STX12: variants seen among roughly 807,000 people sequenced by gnomAD.
The protein encoded by STX12 is syntaxin-12.
A neutral mutation model predicts 42.2 loss-of-function variants in STX12; 17 were observed. The ratio of observed to expected loss-of-function variants is 0.40; its 90% CI spans 0.28 to 0.60. The LOEUF is 0.60. Ranked by LOEUF, STX12 falls within the 20% of genes least tolerant of loss-of-function variation. The pLI is 0.39. For synonymous variants in STX12, 108 were observed against 116.7 expected, an observed-to-expected ratio of 0.93 and a Z score of 0.48; for missense variants, 297 against 330.9, an observed-to-expected ratio of 0.90 and a Z score of 0.79.
At chr1:27,797,605 C>A (rs943589269) in intron 3 of STX12, among the ~76,000 whole-genome samples, 1 of 152,070 alleles carries the variant, frequency 6.6e-6, no homozygotes, top group African/African-American at 2.4e-5. Context: ...TCCCTTTCAC[C>A]TTTATGATCA....
chr1:27,792,244 CTATATATATGTAGA>C (rs2088751626), intron 2 of STX12, among the ~76,000 whole-genome samples: 10 of 94,966 alleles, frequency 1.1e-4, no homozygotes, highest in African/African-American at 2.1e-4. Context: ...ATATATGTAT[CTATATATATGTAGA>C]TACATATATA....
At chr1:27,779,346 T>TTG (rs2088650723) in intron 1 of STX12, among the ~76,000 whole-genome samples, 1 of 151,614 alleles carries the variant, frequency 6.6e-6, no homozygotes, top group African/African-American at 2.4e-5. Context: ...TTTTTTTGTT[T>TTG]TTTTTTGAGC....
At chr1:27,800,488 GGTGTGTGTGTGTGTGTGT>G (rs57488710) in intron 3 of STX12, among the ~76,000 whole-genome samples, 12 of 140,986 alleles carry the variant, frequency 8.5e-5, no homozygotes, top group East Asian at 8.2e-4. Context: ...GTCAGTATGT[GGTGTGTGTGTGTGTGTGT>G]GTGTGTGTGT....
At chr1:27,808,048 A>G (rs1410202038) in intron 4 of STX12, among the ~76,000 whole-genome samples, 2 of 152,192 alleles carry the variant, frequency 1.3e-5, no homozygotes, top group African/African-American at 4.8e-5. Flanking sequence ...AAGTCAAGAT[A>G]ATAGATACTT....
intron 3 of STX12, among the ~76,000 whole-genome samples, chr1:27,795,462 C>T (rs531980348): frequency 1.6e-4 from 24 of 152,146 alleles, no homozygotes; most frequent in Middle Eastern, 3.4e-3. Flanking sequence ...CCCACTACCA[C>T]GCTCGGCTAA....
At chr1:27,821,439 A>G (rs937554641) in intron 8 of STX12, among the ~76,000 whole-genome samples, 4 of 152,322 alleles carry the variant, frequency 2.6e-5, no homozygotes, top group African/African-American at 7.2e-5. Flanking sequence ...AAAAACATCA[A>G]ACATCATACA....
intron 3 of STX12, among the ~76,000 whole-genome samples, chr1:27,801,117 GGC>G (rs1322734681): frequency 6.6e-6 from 1 of 152,164 alleles, no homozygotes; most frequent in African/African-American, 2.4e-5. Context: ...GTTAAATACA[GGC>G]TGGGCACAGT....
chr1:27,797,804 G>C (rs2088796965), intron 3 of STX12, among the ~76,000 whole-genome samples: 1 of 151,674 alleles, frequency 6.6e-6, no homozygotes, highest in South Asian at 2.1e-4. Context: ...TCACAGAAAA[G>C]TTTGTGCCTT....
intron 6 of STX12, among the ~76,000 whole-genome samples, chr1:27,814,699 A>T (rs974711195): frequency 2.0e-5 from 3 of 151,722 alleles, no homozygotes; most frequent in Non-Finnish European, 2.9e-5. Flanking sequence ...AAACACAAAA[A>T]ATTAGCCGGG....
At chr1:27,782,245 A>G (rs1015717156) in intron 1 of STX12, among the ~76,000 whole-genome samples, 3 of 152,100 alleles carry the variant, frequency 2.0e-5, no homozygotes, top group Admixed American at 6.5e-5. Context: ...GACTACAGGC[A>G]CGCACCACCA....
chr1:27,801,315 A>G (rs2088826046), intron 3 of STX12, among the ~76,000 whole-genome samples: 1 of 152,044 alleles, frequency 6.6e-6, no homozygotes. Context: ...AGGCACAAGA[A>G]TCGCTTGAAC....
intron 1 of STX12, among the ~76,000 whole-genome samples, chr1:27,775,364 C>T (rs933373672): frequency 2.0e-5 from 3 of 152,194 alleles, no homozygotes; most frequent in African/African-American, 7.2e-5. Flanking sequence ...CTCAACCTCC[C>T]TGGCTCAAGC....
rs17162810 is a variant in STX12, at chr1:27,812,754, T to C, written c.576+486T>C. 2.0e-5 allele frequency among the ~76,000 whole-genome samples: 3 copies of C among 152,110 alleles called. No homozygotes were observed. The East Asian group carries it at 5.8e-4, about 29-fold the overall frequency. ...CCGCTCCTGGCATGAACTACTGTTA[T>C]AATGGCATTGGCCTTGGTGCCCAGG... On this transcript the variant is annotated intron_variant, in intron 6 of 8. Transcript: ENST00000373943.
rs2089006354 is a variant in STX12 at position 27,824,316 on chromosome 1, C to T, written c.*1987C>T. The stretch of plus-strand genomic sequence containing the variant: ...GCTTTTGTTCTGTAATACTGTGTGA[C>T]CTGTGGTTGTTGTAATGGTGATCAT... On this transcript the variant is annotated 3_prime_UTR_variant, in exon 9 of 9. Transcript: ENST00000373943. 6.6e-6 allele frequency: 1 copy of T among 152,122 alleles called. No individual in the cohort carries two copies. The highest frequency in any genetic ancestry group is 2.4e-5 in the African/African-American group (1 of 41,414). The allele number at this position is 152,122 out of a possible 1,614,324, so 9.4% of individuals were successfully genotyped here.
intron 3 of STX12, among the ~76,000 whole-genome samples, chr1:27,794,366 G>A (rs186489240): frequency 6.6e-6 from 1 of 152,256 alleles, no homozygotes; most frequent in East Asian, 1.9e-4. Context: ...ACATTTTAAT[G>A]AAACATCTTT....
chr1:27,822,816 CTCTA>C lies in STX12; in HGVS notation c.*493_*496del, dbSNP rs1198025824. Reference sequence around the variant, plus strand: ...TATTTGAATTTCTAAGAAGCCTATTCTCTATCTATTTTGAAAGATTTTGGCACTA... The same window carrying C: ...TATTTGAATTTCTAAGAAGCCTATTCTCTATTTTGAAAGATTTTGGCACTA... On this transcript the variant is annotated 3_prime_UTR_variant, in exon 9 of 9. Coordinates refer to ENST00000373943, the MANE Select transcript of STX12 (RefSeq NM_177424.3). 3.3e-5 allele frequency: 5 copies of C among 152,928 alleles called. No individual in the cohort carries two copies. The highest frequency in any genetic ancestry group is 7.3e-5 in the Non-Finnish European group (5 of 68,428). The allele number at this position is 152,928 out of a possible 1,614,324, so 9.5% of individuals were successfully genotyped here.
chr1:27,786,789 T>C (rs1206729469), intron 1 of STX12, among the ~76,000 whole-genome samples: 1 of 152,236 alleles, frequency 6.6e-6, no homozygotes, highest in African/African-American at 2.4e-5. Flanking sequence ...CAGTGTCTAG[T>C]ACCTCATAGT....
chr1:27,776,249 C>A (rs1371864689), intron 1 of STX12, among the ~76,000 whole-genome samples: 5 of 152,108 alleles, frequency 3.3e-5, no homozygotes, highest in African/African-American at 1.2e-4. Flanking sequence ...GCTTTACATA[C>A]ATTATCTTAT....
At chr1:27,791,908 C>T (rs1246194689) in intron 2 of STX12, among the ~76,000 whole-genome samples, 16 of 150,492 alleles carry the variant, frequency 1.1e-4, no homozygotes, top group Admixed American at 8.0e-4. Flanking sequence ...CACTTGAACC[C>T]GGGAGGCGAA....
Sources: gnomAD v4.1 joint callset for allele counts (sites outside exome capture counted in the v4.1 genomes callset) on GRCh38, gnomAD v4.1.1 for gene constraint, MANE v1.5 for transcripts, NCBI Gene and HGNC (gene_info 2026-07-23, HGNC 2026-07-21) for gene names.